Variants in STPG2 observed in about 807,000 individuals in gnomAD.
STPG2 encodes the protein sperm-tail PG-rich repeat-containing protein 2.
Under a neutral mutation model 54.2 loss-of-function variants are expected in STPG2, and 56 were observed. The observed-to-expected ratio is 1.03, with a 90% confidence interval of 0.83 to 1.29. STPG2 has a LOEUF of 1.29. Ranked by LOEUF, STPG2 falls within the 50% of genes most tolerant of loss-of-function variation. The pLI is 0.00. For missense variants in STPG2, 596 were observed against 544.9 expected (o/e 1.09, Z -0.93); for synonymous variants, 200 against 181.8 (o/e 1.10, Z -0.81).
intron 8 of STPG2, among the ~76,000 whole-genome samples, chr4:97,884,476 C>T (rs185258804): frequency 2.3e-4 from 35 of 152,226 alleles, no homozygotes; most frequent in Admixed American, 2.1e-3. Flanking sequence ...CATGTGAAGA[C>T]ACCAGAAAAA....
At chr4:97,739,183 A>T (rs573748061) in intron 9 of STPG2, among the ~76,000 whole-genome samples, 1 of 152,322 alleles carries the variant, frequency 6.6e-6, no homozygotes, top group African/African-American at 2.4e-5. Flanking sequence ...AAGACACAAC[A>T]TACCAGAATC....
At chr4:97,565,978 G>T (rs1197328169) in intron 10 of STPG2, among the ~76,000 whole-genome samples, 1 of 152,160 alleles carries the variant, frequency 6.6e-6, no homozygotes, top group African/African-American at 2.4e-5. Context: ...GTCAGACAGG[G>T]ACATTTAAGT....
intron 10 of STPG2, among the ~76,000 whole-genome samples, chr4:97,681,091 T>C (rs1723018858): frequency 6.6e-6 from 1 of 152,010 alleles, no homozygotes; most frequent in Non-Finnish European, 1.5e-5. Flanking sequence ...AAACTGCATA[T>C]GTAGTAACAC....
intron 4 of STPG2, among the ~76,000 whole-genome samples, chr4:97,533,580 G>A (rs73831924): frequency 6.6e-4 from 100 of 151,928 alleles, no homozygotes; most frequent in African/African-American, 2.2e-3. Context: ...CAGTCTGTTC[G>A]TCTTGCCTGC....
In STPG2 at chr4:97,972,350, G is replaced by A; in HGVS notation, c.863C>T (p.Ser288Phe). 2 of 1,610,646 alleles carry A rather than the reference G, an allele frequency of 1.2e-6. No individual in the cohort carries two copies. Among genetic ancestry groups the A allele is most frequent in the Non-Finnish European group, 1.7e-6 (2 of 1,178,094 alleles). The part of the protein sequence containing the change: ...SKKQKKSAFG[S>F]SVPRTFFSVQ... ...CGAGAAGAAAGTCCGAGGAACAGAA[G>A]AACCAAATGCACTTTTCTTCTGTTT... The change falls in exon 7 of 11, where the codon TCT becomes TTT. Residue 288 changes from serine (S) to phenylalanine (F), a missense_variant. Coordinates refer to ENST00000295268, the MANE Select transcript of STPG2 (RefSeq NM_174952.3).
chr4:97,945,816 T>C (rs1733192857), intron 7 of STPG2, among the ~76,000 whole-genome samples: 1 of 152,154 alleles, frequency 6.6e-6, no homozygotes, highest in Admixed American at 6.6e-5. Flanking sequence ...CCCACCACTT[T>C]GGGAGGCCAA....
At chr4:97,679,229 T>C (rs1186826268) in intron 10 of STPG2, among the ~76,000 whole-genome samples, 1 of 152,232 alleles carries the variant, frequency 6.6e-6, no homozygotes, top group African/African-American at 2.4e-5. Flanking sequence ...TGAACTACTT[T>C]ACAGTCCCAC....
intron 5 of STPG2, among the ~76,000 whole-genome samples, chr4:97,997,861 T>A (rs1235524701): frequency 6.6e-6 from 1 of 152,038 alleles, no homozygotes; most frequent in African/African-American, 2.4e-5. Context: ...TCTACTTGCA[T>A]CAGATCCCTG....
At chr4:97,475,500 T>C (rs1730048676) in intron 4 of STPG2, among the ~76,000 whole-genome samples, 2 of 149,766 alleles carry the variant, frequency 1.3e-5, no homozygotes, top group Admixed American at 6.7e-5. Context: ...TATGCATATA[T>C]GTAAAATATG....
At chr4:97,963,495 A>T (rs1049107670) in intron 7 of STPG2, among the ~76,000 whole-genome samples, 71 of 151,954 alleles carry the variant, frequency 4.7e-4, no homozygotes, top group African/African-American at 1.6e-3. Flanking sequence ...TCTATGAAAA[A>T]TTTTTTTAAA....
intron 5 of STPG2, among the ~76,000 whole-genome samples, chr4:98,037,720 T>C (rs948950672): frequency 2.0e-5 from 3 of 152,236 alleles, no homozygotes; most frequent in East Asian, 1.9e-4. Flanking sequence ...ACTCTTCCTA[T>C]AGAAAAACCA....
intron 5 of STPG2, 96 bp downstream of exon 5, chr4:98,105,856 AG>A (rs1739173359): frequency 4.9e-6 from 5 of 1,030,262 alleles, no homozygotes; most frequent in Non-Finnish European, 7.0e-6. Context: ...ATTAGCTATC[AG>A]GCACATTAGA....
At chr4:97,776,002 C>T (rs967860703) in intron 9 of STPG2, among the ~76,000 whole-genome samples, 6 of 152,022 alleles carry the variant, frequency 3.9e-5, no homozygotes, top group Admixed American at 1.3e-4. Flanking sequence ...CCTCACATGA[C>T]CTCCCCACCT....
At chr4:97,987,489 T>C (rs183731653) in intron 5 of STPG2, among the ~76,000 whole-genome samples, 165 of 152,280 alleles carry the variant, frequency 1.1e-3, no homozygotes, top group African/African-American at 3.8e-3. Context: ...TTATAACAGA[T>C]AAGAATTAAT....
intron 10 of STPG2, among the ~76,000 whole-genome samples, chr4:97,664,486 T>C (rs1208069357): frequency 6.6e-6 from 1 of 152,188 alleles, no homozygotes; most frequent in Non-Finnish European, 1.5e-5. Flanking sequence ...GAGTTCTTTC[T>C]CTATTTCCTC....
chr4:97,607,381 T>C (rs551553769), intron 10 of STPG2, among the ~76,000 whole-genome samples: 1 of 152,022 alleles, frequency 6.6e-6, no homozygotes, highest in Non-Finnish European at 1.5e-5. Flanking sequence ...ATGTAAGGAA[T>C]TTACAAGAAC....
chr4:97,472,913 T>C (rs1226206104), intron 4 of STPG2, among the ~76,000 whole-genome samples: 1 of 152,218 alleles, frequency 6.6e-6, no homozygotes, highest in African/African-American at 2.4e-5. Context: ...GGACATTTAT[T>C]AGTTCTCCAA....
chr4:97,812,115 G>C (rs1727758935), intron 9 of STPG2, among the ~76,000 whole-genome samples: 1 of 152,050 alleles, frequency 6.6e-6, no homozygotes, highest in African/African-American at 2.4e-5. Flanking sequence ...GTTAAATGCA[G>C]TGTGAAAAGA....
intron 4 of STPG2, among the ~76,000 whole-genome samples, chr4:97,462,608 G>A (rs1364354420): frequency 6.6e-6 from 1 of 151,496 alleles, no homozygotes; most frequent in East Asian, 1.9e-4. Context: ...TCAGTTTGGA[G>A]GTCTTGTGCA....
Sources: allele counts gnomAD v4.1 joint callset (sites outside exome capture counted in the v4.1 genomes callset), GRCh38; gene constraint gnomAD v4.1.1; transcripts MANE v1.5; gene names NCBI Gene and HGNC (gene_info 2026-07-23, HGNC 2026-07-21).